DROSHA: variants seen among roughly 807,000 people sequenced by gnomAD.
DROSHA encodes drosha ribonuclease III, also known as ribonuclease 3.
Under a neutral mutation model 181.9 loss-of-function variants are expected in DROSHA, and 56 were observed. The observed-to-expected ratio is 0.31, with a 90% CI of 0.25 to 0.38. The LOEUF (loss-of-function observed/expected upper bound fraction) is 0.38. DROSHA is among the 10% of genes least tolerant of loss of function. The pLI, the probability that DROSHA is intolerant of heterozygous loss-of-function variation, is 1.00. For missense variants in DROSHA, 1,218 were observed against 1,743.5 expected (o/e 0.70, Z 5.37); for synonymous variants, 524 against 591.2 (o/e 0.89, Z 1.65).
In DROSHA at chr5:31,526,211, C is replaced by G; in HGVS notation, c.722G>C (p.Gly241Ala). 1 of 1,613,898 alleles carries G rather than the reference C, an allele frequency of 6.2e-7. No individual in the cohort carries two copies. Residue 241 changes from glycine (G) to alanine (A), a missense_variant, in exon 5 of 36, where the codon GGT (glycine) becomes GCT (alanine). This residue lies in a region of DROSHA where 536 missense variants were observed against 535.4 expected (regional missense o/e 1.00). Transcript: ENST00000344624. ...CCGATCCAGGGACCGATGCCTCTCA[C>G]CTCGCCCATGACTGTGATCTCGGTG... ...HRHRDHSHGR[G>A]ERHRSLDRRE... is the part of the protein sequence containing the mutation.
In DROSHA at chr5:31,510,656, G is replaced by A. The variant is rs550883985; in HGVS notation, c.1432+379C>T. Among the ~76,000 whole-genome samples, 112 of 152,262 alleles carry A rather than the reference G, an allele frequency of 7.4e-4. 1 individual carries two copies. Among genetic ancestry groups the A allele is most frequent in the African/African-American group, 1.3e-3 (55 of 41,556 alleles). ...CTTCAAACAGAGCTGGGGTACAGTC[G>A]CTGTTTCCCTCATCAAACCAGGCGC... On this transcript the variant is annotated intron_variant, in intron 9 of 35. Coordinates refer to ENST00000344624, the MANE Select transcript of DROSHA (RefSeq NM_001382508.1).
chr5:31,463,505 C>T (rs1018719211), intron 20 of DROSHA, among the ~76,000 whole-genome samples: 7 of 152,164 alleles, frequency 4.6e-5, no homozygotes, highest in African/African-American at 7.2e-5. Flanking sequence ...AGGCTGAACA[C>T]AGCAAACTGC....
chr5:31,407,077 C>T (rs922376162), intron 33 of DROSHA, 132 bp from the exon 34 acceptor site: 1 of 591,170 alleles, frequency 1.7e-6, no homozygotes, highest in East Asian at 3.4e-5. Context: ...GTGAAAATGG[C>T]AGAAAGGTAA....
Position 31,422,778 on chromosome 5 carries a change from T to G in DROSHA, c.3419+9A>C, listed in dbSNP as rs368160941. Reference sequence around the variant, plus strand: ...TCACATTGGGACTACATGAGAACTTTTAACTCACAGGGTCAGATGGTTAAA... The same window carrying G: ...TCACATTGGGACTACATGAGAACTTGTAACTCACAGGGTCAGATGGTTAAA... On this transcript the variant is annotated intron_variant, in intron 29 of 35. Coordinates refer to ENST00000344624, the MANE Select transcript of DROSHA (RefSeq NM_001382508.1). 29 of 1,613,384 alleles carry G rather than the reference T, an allele frequency of 1.8e-5. No homozygotes were observed. In the South Asian group the frequency reaches 3.2e-4, roughly 18 times the overall value.
At chr5:31,480,515 G>A (rs1750915843) in intron 16 of DROSHA, among the ~76,000 whole-genome samples, 2 of 151,992 alleles carry the variant, frequency 1.3e-5, no homozygotes, top group Non-Finnish European at 2.9e-5. Flanking sequence ...TGGGTGCTGG[G>A]TGGATGGTCA....
chr5:31,422,295 T>C (rs1023090250), intron 29 of DROSHA, among the ~76,000 whole-genome samples: 1 of 152,008 alleles, frequency 6.6e-6, no homozygotes, highest in African/African-American at 2.4e-5. Flanking sequence ...AAATTTTGCT[T>C]ATTTTCTTAA....
chr5:31,531,620 G>C (rs1741400077), intron 1 of DROSHA, 95 bp from the exon 2 acceptor site: 1 of 152,158 alleles, frequency 6.6e-6, no homozygotes, highest in South Asian at 2.1e-4. Context: ...TTCCCCAGGT[G>C]GATCTGCAGG....
chr5:31,416,907 T>G (rs1011532129), intron 30 of DROSHA, among the ~76,000 whole-genome samples: 8 of 152,188 alleles, frequency 5.3e-5, no homozygotes, highest in Non-Finnish European at 1.0e-4. Flanking sequence ...AGCACTGATA[T>G]GCCAGGTACT....
chr5:31,430,901 T>TA (rs896919291), intron 26 of DROSHA, among the ~76,000 whole-genome samples: 5 of 151,672 alleles, frequency 3.3e-5, no homozygotes, highest in Admixed American at 6.6e-5. Flanking sequence ...TCATTTACTT[T>TA]AAAAAAAAAT....
chr5:31,412,656 C>T (rs1741453394), intron 30 of DROSHA, among the ~76,000 whole-genome samples: 1 of 152,180 alleles, frequency 6.6e-6, no homozygotes, highest in South Asian at 2.1e-4. Flanking sequence ...CCTGTCTCTG[C>T]TTTCTTTCCT....
chr5:31,468,555 A>G (rs1749373812), intron 17 of DROSHA, among the ~76,000 whole-genome samples: 3 of 152,222 alleles, frequency 2.0e-5, no homozygotes, highest in Admixed American at 2.0e-4. Flanking sequence ...AAGGCCAAAT[A>G]GTTAAGCTTC....
At chr5:31,461,352 C>T (rs1748380837) in intron 20 of DROSHA, among the ~76,000 whole-genome samples, 1 of 152,076 alleles carries the variant, frequency 6.6e-6, no homozygotes, top group African/African-American at 2.4e-5. Context: ...ATAAAAATTC[C>T]AGGAAGAGCT....
At chr5:31,407,065 A>G (rs1740737411) in intron 33 of DROSHA, 120 bp from the exon 34 acceptor site, 2 of 644,842 alleles carry the variant, frequency 3.1e-6, no homozygotes, top group Non-Finnish European at 4.8e-6. Flanking sequence ...ATAACAGGAA[A>G]TGTGAAAATG....
rs1362326254 is a variant in DROSHA, at chr5:31,430,318, T to C, written c.3146-773A>G. 2.6e-5 allele frequency among the ~76,000 whole-genome samples: 4 copies of C among 152,318 alleles called. No homozygotes were observed. In the East Asian group the frequency reaches 5.8e-4, roughly 22 times the overall value. ...GGAAACACTTATGTCCTGGGTACCA[T>C]GCAAAGCATTTCCACATTCTTATCT... is the stretch of plus-strand genomic sequence containing the variant. On this transcript the variant is annotated intron_variant, in intron 26 of 35. Transcript: ENST00000344624.
chr5:31,419,910 T>G (rs1742466207), intron 30 of DROSHA, among the ~76,000 whole-genome samples: 1 of 151,932 alleles, frequency 6.6e-6, no homozygotes, highest in Admixed American at 6.5e-5. Flanking sequence ...GAATTTAATA[T>G]TAAGTCATGA....
intron 35 of DROSHA, among the ~76,000 whole-genome samples, chr5:31,403,764 GATT>G (rs1457160853): frequency 2.6e-5 from 4 of 152,196 alleles, no homozygotes; most frequent in Admixed American, 2.6e-4. Flanking sequence ...TTGCGACAGA[GATT>G]ATATGGTCTG....
intron 13 of DROSHA, among the ~76,000 whole-genome samples, chr5:31,490,975 T>C (rs1028191302): frequency 6.6e-6 from 1 of 152,168 alleles, no homozygotes; most frequent in Non-Finnish European, 1.5e-5. Context: ...GTAACGACTG[T>C]GACTAATTTA....
Position 31,461,200 on chromosome 5 carries a change from T to C in DROSHA, c.2574+3036A>G, listed in dbSNP as rs530305766. Among the ~76,000 whole-genome samples, 228 of 152,210 alleles carry C rather than the reference T, an allele frequency of 1.5e-3. 2 individuals carry two copies. The highest frequency in any genetic ancestry group is 5.2e-3 in the African/African-American group (218 of 41,542). On this transcript the variant is annotated intron_variant, in intron 20 of 35. Coordinates refer to ENST00000344624, the MANE Select transcript of DROSHA (RefSeq NM_001382508.1). ...TTATCTGATTTCTTTACAACAAAAC[T>C]AGAGGGAATGGCTTTGCTGCCACTG...
At chr5:31,507,019 T>C (rs1179547523) in intron 10 of DROSHA, among the ~76,000 whole-genome samples, 1 of 152,058 alleles carries the variant, frequency 6.6e-6, no homozygotes, top group Non-Finnish European at 1.5e-5. Flanking sequence ...AACAGTCAAG[T>C]AAAAAGACTA....
Sources: allele counts gnomAD v4.1 joint callset (sites outside exome capture counted in the v4.1 genomes callset), GRCh38; gene constraint gnomAD v4.1.1; regional missense constraint gnomAD v4.1.1; transcripts MANE v1.5; gene names NCBI Gene and HGNC (gene_info 2026-07-23, HGNC 2026-07-21).